LEPR: variants seen among roughly 807,000 people sequenced by gnomAD.
LEPR encodes the protein leptin receptor.
In LEPR, 56 loss-of-function variants were observed where a neutral mutation model predicts 114.7. The observed-to-expected ratio is 0.49, with a 90% CI of 0.39 to 0.61. LEPR has a LOEUF of 0.61. LEPR is among the 20% of genes least tolerant of loss of function. The pLI is 0.00. For synonymous variants in LEPR, 443 were observed against 461.4 expected, an observed-to-expected ratio of 0.96 and a Z score of 0.51; for missense variants, 1,202 against 1,352.9, an observed-to-expected ratio of 0.89 and a Z score of 1.75.
chr1:65,590,610 G>T (rs1570764946), intron 5 of LEPR, among the ~76,000 whole-genome samples: 2 of 151,424 alleles, frequency 1.3e-5, no homozygotes, highest in Non-Finnish European at 2.9e-5. Context: ...CTTCCACCAT[G>T]ATTCTAAGTT....
chr1:65,623,016 T>C, intron 19 of LEPR, 35 bp downstream of exon 19: 1 of 1,600,586 alleles, frequency 6.2e-7, no homozygotes, highest in Non-Finnish European at 8.6e-7. Flanking sequence ...CCAGAATATA[T>C]ACGATTGCAA....
chr1:65,598,812 A>G lies in LEPR; in HGVS notation c.994+8A>G, dbSNP rs770653004. On this transcript the variant is annotated splice_region_variant and intron_variant, in intron 8 of 19. Coordinates refer to ENST00000349533, the MANE Select transcript of LEPR (RefSeq NM_002303.6). ...GTGTCTTTACCACACAAGGTAGGTTATGTAATAGCCACTTCTACTGGGAGG... is the reference window on the plus strand; with the variant it reads ...GTGTCTTTACCACACAAGGTAGGTTGTGTAATAGCCACTTCTACTGGGAGG... 6.2e-7 allele frequency: 1 copy of G among 1,613,094 alleles called. No homozygotes were observed. Among genetic ancestry groups the G allele is most frequent in the Non-Finnish European group, 8.5e-7 (1 of 1,179,312 alleles).
chr1:65,592,153 C>T (rs763819408), intron 5 of LEPR, among the ~76,000 whole-genome samples: 8 of 151,958 alleles, frequency 5.3e-5, no homozygotes, highest in East Asian at 1.9e-4. Context: ...CTCCACACCA[C>T]GGATCTATTA....
At chr1:65,432,737 G>T (rs145686430) in intron 2 of LEPR, 1 of 651,276 alleles carries the variant, frequency 1.5e-6, no homozygotes, top group Non-Finnish European at 1.9e-6. Context: ...TTTTTTTAAA[G>T]ATCACTTGCA....
rs765665409 is a variant in LEPR, at chr1:65,636,374, G to A, written c.2857G>A (p.Val953Ile). Reference protein sequence around the residue: ...LSTTDLEKGSVCISDQFNSVN... With the variant: ...LSTTDLEKGSICISDQFNSVN... ...AACAACAGATCTTGAAAAGGGTTCTGTTTGTATTAGTGACCAGTTCAACAG... is the reference window on the plus strand; with the variant it reads ...AACAACAGATCTTGAAAAGGGTTCTATTTGTATTAGTGACCAGTTCAACAG... Residue 953 changes from valine (V) to isoleucine (I), a missense_variant, in exon 20 of 20, where the codon GTT becomes ATT. Transcript: ENST00000349533. The A allele has an allele frequency of 3.1e-6, 5 of 1,614,072 alleles. No individual in the cohort carries two copies. In the South Asian group the frequency reaches 5.5e-5, roughly 18 times the overall value.
intron 19 of LEPR, among the ~76,000 whole-genome samples, chr1:65,631,132 ATG>A (rs1457796758): frequency 2.0e-5 from 3 of 152,110 alleles, no homozygotes; most frequent in Non-Finnish European, 4.4e-5. Flanking sequence ...ATGAGGAAAG[ATG>A]TGCTCTCAGC....
chr1:65,454,376 C>T (rs556508066), intron 2 of LEPR, among the ~76,000 whole-genome samples: 1 of 152,062 alleles, frequency 6.6e-6, no homozygotes, highest in South Asian at 2.1e-4. Flanking sequence ...TCTTCGTAGT[C>T]TCGATGGTCT....
intron 2 of LEPR, among the ~76,000 whole-genome samples, chr1:65,500,518 T>A (rs968967526): frequency 6.6e-6 from 1 of 152,180 alleles, no homozygotes; most frequent in African/African-American, 2.4e-5. Flanking sequence ...CCCCTCAGCC[T>A]ACTCAACATG....
At chr1:65,605,284 T>A (rs751814940) in intron 11 of LEPR, 47 bp downstream of exon 11, 18 of 1,598,032 alleles carry the variant, frequency 1.1e-5, no homozygotes, top group Non-Finnish European at 1.5e-5. Context: ...CAGATTTGTA[T>A]GCAGATTGAT....
intron 2 of LEPR, chr1:65,432,440 AAGGAGTTGTATGC>A: frequency 3.0e-6 from 2 of 668,500 alleles, no homozygotes; most frequent in Non-Finnish European, 3.7e-6. Flanking sequence ...ATGAGATCCA[AAGGAGTTGTATGC>A]ACATGAAAGT....
At chr1:65,546,321 G>A (rs1207970209) in intron 2 of LEPR, among the ~76,000 whole-genome samples, 1 of 152,202 alleles carries the variant, frequency 6.6e-6, no homozygotes, top group African/African-American at 2.4e-5. Flanking sequence ...GAACTTTAAA[G>A]TAGTTTTTTC....
chr1:65,512,496 C>T (rs977087489), intron 2 of LEPR, among the ~76,000 whole-genome samples: 8 of 152,152 alleles, frequency 5.3e-5, no homozygotes, highest in Non-Finnish European at 7.4e-5. Context: ...CATGTTGCTG[C>T]GCCTTCACCC....
chr1:65,535,245 C>T (rs1650682717), intron 2 of LEPR, among the ~76,000 whole-genome samples: 1 of 150,644 alleles, frequency 6.6e-6, no homozygotes. Context: ...GATGTTATCT[C>T]TTAGAATTAT....
intron 2 of LEPR, among the ~76,000 whole-genome samples, chr1:65,524,296 TG>T (rs1414730224): frequency 6.6e-6 from 1 of 152,194 alleles, no homozygotes; most frequent in Non-Finnish European, 1.5e-5. Context: ...TAGAGACACC[TG>T]TCTGTCTGTT....
chr1:65,558,538 GT>G (rs1254032864), intron 2 of LEPR, among the ~76,000 whole-genome samples: 36 of 9,058 alleles, frequency 4.0e-3, no homozygotes, highest in East Asian at 0.034. Flanking sequence ...TTTTTTTTTT[GT>G]TTTTTTTTTG....
Position 65,632,970 on chromosome 1 carries a change from T to C in LEPR, c.2674-3221T>C, listed in dbSNP as rs1938498. On this transcript the variant is annotated intron_variant, in intron 19 of 19. Transcript: ENST00000349533. ...GATATTAAAACATTCATTAAGAAAA[T>C]GGGAGAAGCCACCTTAGTTCAAAAT... 0.43 allele frequency among the ~76,000 whole-genome samples: 65,925 copies of C among 151,866 alleles called. 15,021 individuals are homozygous for C. Among genetic ancestry groups the C allele is most frequent in the East Asian group, 0.87 (4,486 of 5,160 alleles).
chr1:65,578,809 A>G (rs1654779580), intron 5 of LEPR, among the ~76,000 whole-genome samples: 1 of 152,186 alleles, frequency 6.6e-6, no homozygotes, highest in African/African-American at 2.4e-5. Context: ...ACACACAAGC[A>G]TACTGTAAGG....
rs571491938 is a variant in LEPR at position 65,532,828 on chromosome 1, G to A, written c.-20-32718G>A. 3.3e-5 allele frequency among the ~76,000 whole-genome samples: 5 copies of A among 152,218 alleles called. No individual in the cohort carries two copies. In the South Asian group the frequency reaches 1.0e-3, roughly 32 times the overall value. On this transcript the variant is annotated intron_variant, in intron 2 of 19. Coordinates refer to ENST00000349533, the MANE Select transcript of LEPR (RefSeq NM_002303.6). Reference sequence around the variant, plus strand: ...GTGGTTGCCGGGGATGGAGGAAGCTGGTGAAAGGGGAGCGACTGCTAATGA... The same window carrying A: ...GTGGTTGCCGGGGATGGAGGAAGCTAGTGAAAGGGGAGCGACTGCTAATGA...
intron 2 of LEPR, among the ~76,000 whole-genome samples, chr1:65,465,841 T>A (rs1190460360): frequency 3.3e-5 from 5 of 152,210 alleles, no homozygotes; most frequent in Non-Finnish European, 7.3e-5. Context: ...GAGACTAGGA[T>A]TGCAATCCCT....
Sources: allele counts gnomAD v4.1 joint callset (sites outside exome capture counted in the v4.1 genomes callset), GRCh38; gene constraint gnomAD v4.1.1; transcripts MANE v1.5; gene names NCBI Gene and HGNC (gene_info 2026-07-23, HGNC 2026-07-21).